C12orf42: variants seen among roughly 807,000 people sequenced by gnomAD.
C12orf42 encodes the protein uncharacterized protein C12orf42.
In C12orf42, 25 loss-of-function variants were observed where a neutral mutation model predicts 21.6. That is an observed-to-expected ratio of 1.16 (90% CI 0.84 to 1.62). C12orf42 has a LOEUF of 1.62. C12orf42 is among the 40% of genes most tolerant of loss of function. C12orf42 has a pLI of 0.00. For synonymous variants in C12orf42, 174 were observed against 175.0 expected (o/e 0.99, Z 0.05); for missense variants, 483 against 459.3 (o/e 1.05, Z -0.47).
intron 3 of C12orf42, among the ~76,000 whole-genome samples, chr12:103,400,272 CCA>C (rs1300232825): frequency 2.0e-5 from 3 of 152,178 alleles, no homozygotes; most frequent in Non-Finnish European, 4.4e-5. Context: ...TCTGTGAGCT[CCA>C]GAGGCATCAT....
chr12:103,309,892 C>G (rs1396318876), intron 4 of C12orf42, among the ~76,000 whole-genome samples: 1 of 152,234 alleles, frequency 6.6e-6, no homozygotes, highest in East Asian at 1.9e-4. Context: ...AAGCAAATGC[C>G]TTCAGAGGCC....
intron 2 of C12orf42, among the ~76,000 whole-genome samples, chr12:103,422,428 T>A (rs2049989776): frequency 1.3e-5 from 2 of 152,210 alleles, no homozygotes; most frequent in African/African-American, 4.8e-5. Flanking sequence ...GAAAATAAAA[T>A]GATGGACTAG....
chr12:103,540,061 G>C, the C12orf42 span, among the ~76,000 whole-genome samples: 2 of 151,626 alleles, frequency 1.3e-5, no homozygotes, highest in Non-Finnish European at 2.9e-5. Context: ...CCAGGCTGCA[G>C]TGCAGTGGAG....
chr12:103,417,201 T>C (rs1270896125), intron 2 of C12orf42, among the ~76,000 whole-genome samples: 1 of 152,204 alleles, frequency 6.6e-6, no homozygotes. Context: ...GTAATTTTAA[T>C]GGGAAAATCC....
At chr12:103,450,301 C>G (rs2137469472) in intron 2 of C12orf42, among the ~76,000 whole-genome samples, 1 of 152,210 alleles carries the variant, frequency 6.6e-6, no homozygotes, top group Admixed American at 6.5e-5. Context: ...CTTTTCTGCA[C>G]TGTCCTTTTA....
At chr12:103,286,171 A>C (rs2036445915) in intron 4 of C12orf42, among the ~76,000 whole-genome samples, 1 of 152,052 alleles carries the variant, frequency 6.6e-6, no homozygotes, top group Non-Finnish European at 1.5e-5. Context: ...GAATGGCATG[A>C]ACCCGGGAGG....
chr12:103,236,179 C>A (rs1437920273), downstream of C12orf42, among the ~76,000 whole-genome samples: 1 of 152,020 alleles, frequency 6.6e-6, no homozygotes, highest in Non-Finnish European at 1.5e-5. Context: ...GCATTGTGAA[C>A]CTGGTGTGTA....
At chr12:103,258,019 G>A (rs937478758) in intron 10 of C12orf42, among the ~76,000 whole-genome samples, 3 of 151,996 alleles carry the variant, frequency 2.0e-5, no homozygotes, top group Admixed American at 6.6e-5. Context: ...ACTTTTAACA[G>A]CAACACGTTA....
chr12:103,266,551 G>C (rs1222171271), downstream of C12orf42, among the ~76,000 whole-genome samples: 1 of 152,130 alleles, frequency 6.6e-6, no homozygotes, highest in Non-Finnish European at 1.5e-5. Flanking sequence ...CAAAGAAAAG[G>C]AGTGTCAACT....
At chr12:103,376,966 T>C (rs1387970603) in intron 3 of C12orf42, among the ~76,000 whole-genome samples, 1 of 151,992 alleles carries the variant, frequency 6.6e-6, no homozygotes, top group African/African-American at 2.4e-5. Context: ...CTTTCTACTT[T>C]CTAAGGGCTT....
chr12:103,163,652 C>T, the C12orf42 span, among the ~76,000 whole-genome samples: 3 of 152,100 alleles, frequency 2.0e-5, no homozygotes, highest in African/African-American at 7.2e-5. Flanking sequence ...TGAACTAGAT[C>T]TTTTACAAAA....
chr12:103,049,619 T>C, the C12orf42 span, among the ~76,000 whole-genome samples: 1 of 152,206 alleles, frequency 6.6e-6, no homozygotes, highest in African/African-American at 2.4e-5. Context: ...AGAATAAAAG[T>C]CAAAATCCTC....
At chr12:103,050,961 A>G in the C12orf42 span, among the ~76,000 whole-genome samples, 2 of 152,244 alleles carry the variant, frequency 1.3e-5, no homozygotes, top group South Asian at 4.1e-4. Flanking sequence ...CTATACGACA[A>G]TCAACAATTC....
the C12orf42 span, among the ~76,000 whole-genome samples, chr12:103,214,592 G>A: frequency 6.6e-6 from 1 of 152,148 alleles, no homozygotes; most frequent in Non-Finnish European, 1.5e-5. Flanking sequence ...TAATAAGATT[G>A]CTGATGTAAG....
At chr12:103,420,540 T>G (rs1441712006) in intron 2 of C12orf42, among the ~76,000 whole-genome samples, 2 of 152,156 alleles carry the variant, frequency 1.3e-5, no homozygotes, top group African/African-American at 4.8e-5. Flanking sequence ...GTTCTCAAAC[T>G]TTGCATGTTT....
chr12:103,445,936 C>T (rs946128494), intron 2 of C12orf42, among the ~76,000 whole-genome samples: 4 of 151,800 alleles, frequency 2.6e-5, no homozygotes, highest in African/African-American at 7.3e-5. Flanking sequence ...TGGCAAGAGG[C>T]GAAAGTCAAC....
the C12orf42 span, among the ~76,000 whole-genome samples, chr12:103,076,598 T>C: frequency 6.6e-6 from 1 of 152,186 alleles, no homozygotes; most frequent in Non-Finnish European, 1.5e-5. Context: ...TCTTCTGATC[T>C]TGAAGGATGA....
At chr12:103,488,709 A>G (rs1200039119) in intron 1 of C12orf42, among the ~76,000 whole-genome samples, 2 of 152,062 alleles carry the variant, frequency 1.3e-5, no homozygotes, top group African/African-American at 4.8e-5. Context: ...TTGATCTTCA[A>G]TCTCTGATAC....
chr12:103,424,029 G>A (rs1949591566), intron 2 of C12orf42, among the ~76,000 whole-genome samples: 1 of 152,174 alleles, frequency 6.6e-6, no homozygotes, highest in South Asian at 2.1e-4. Context: ...TTTGTGTATT[G>A]GATGACATTT....
Sources: gnomAD v4.1 joint callset for allele counts (sites outside exome capture counted in the v4.1 genomes callset) on GRCh38, gnomAD v4.1.1 for gene constraint, MANE v1.5 for transcripts, NCBI Gene and HGNC (gene_info 2026-07-23, HGNC 2026-07-21) for gene names.